The following FHIP1A variants were observed in gnomAD, a reference collection of about 807,000 sequenced individuals.
FHIP1A encodes FHF complex subunit HOOK interacting protein 1A.
In FHIP1A, 61 loss-of-function variants were observed where a neutral mutation model predicts 88.6. That is an observed-to-expected ratio of 0.69 (90% CI 0.56 to 0.85). FHIP1A has a LOEUF of 0.85. Among genes scored for constraint, FHIP1A ranks in the 40% least tolerant of loss-of-function variants. The probability of loss-of-function intolerance (pLI) is 0.00; values close to 1 mark genes in which losing one functional copy is unlikely to be tolerated. For synonymous variants in FHIP1A, 478 were observed against 496.0 expected (o/e 0.96, Z 0.48); for missense variants, 1,154 against 1,273.5 (o/e 0.91, Z 1.43).
chr4:151,656,997 C>A lies in FHIP1A; in HGVS notation c.2869+99C>A. On this transcript the variant is annotated intron_variant, in intron 13 of 13. Transcript: ENST00000435205. The surrounding 1 kb of genome is among the most constrained non-coding windows in gnomAD (Gnocchi z 4.2). ...CAGATGCTGCACTGGCTTCTGGATC[C>A]TAGAAGCATTCAGAGATATTTTCAT... is the stretch of plus-strand genomic sequence containing the variant. The A allele has an allele frequency of 8.4e-7, 1 of 1,191,134 alleles. No individual in the cohort carries two copies. The highest frequency in any genetic ancestry group is 1.2e-6 in the Non-Finnish European group (1 of 866,752). The allele number at this position is 1,191,134 out of a possible 1,614,324, so 73.8% of individuals were successfully genotyped here. A position where few individuals can be genotyped will look rare whatever the true frequency, so the allele number is the denominator to read the frequency against.
intron 3 of FHIP1A, among the ~76,000 whole-genome samples, chr4:151,549,371 T>C (rs150136581): frequency 9.7e-4 from 148 of 151,816 alleles, no homozygotes; most frequent in African/African-American, 3.2e-3. Flanking sequence ...TGGGGTTCAC[T>C]ATATTTAACA....
intron 4 of FHIP1A, among the ~76,000 whole-genome samples, chr4:151,568,190 C>G (rs963896215): frequency 6.6e-5 from 10 of 152,200 alleles, no homozygotes; most frequent in African/African-American, 2.4e-4. Context: ...ATACAAATGA[C>G]TTCAGTATTA....
At chr4:151,522,746 A>T (rs1731491760) in intron 3 of FHIP1A, among the ~76,000 whole-genome samples, 1 of 152,218 alleles carries the variant, frequency 6.6e-6, no homozygotes, top group South Asian at 2.1e-4. Context: ...GCTTGTATAA[A>T]ATCAATTTGT....
intron 10 of FHIP1A, 106 bp from the exon 11 acceptor site, chr4:151,649,353 A>G (rs2126909339): frequency 2.9e-6 from 2 of 699,518 alleles, no homozygotes; most frequent in Middle Eastern, 3.2e-4. Flanking sequence ...AATTAGACCC[A>G]AAGTAGCTGG....
chr4:151,426,342 C>A (rs536101062), intron 1 of FHIP1A, among the ~76,000 whole-genome samples: 2 of 152,058 alleles, frequency 1.3e-5, no homozygotes, highest in Non-Finnish European at 2.9e-5. Flanking sequence ...ATAAATGCAA[C>A]GCTTAATTTT....
chr4:151,543,940 T>C (rs1331186769), intron 3 of FHIP1A, among the ~76,000 whole-genome samples: 2 of 152,166 alleles, frequency 1.3e-5, no homozygotes, highest in South Asian at 2.1e-4. Flanking sequence ...AACTCTAGGG[T>C]GTTTCAAGGC....
rs1737262214 is a variant in FHIP1A, at chr4:151,656,852, C to T, written c.2823C>T (p.Leu941=). 4 of 1,551,604 alleles carry T rather than the reference C, an allele frequency of 2.6e-6. No homozygotes were observed. The South Asian group carries it at 4.8e-5, about 18-fold the overall frequency. ...GLLIQAQQYL[L]FRVDMSDMTP... is the part of the protein sequence containing the mutation. ...TCATTCAAGCTCAGCAGTACCTGCT[C>T]TTCCGTGTGGACATGTCTGATATGA... is the stretch of plus-strand genomic sequence containing the variant. Residue 941 remains leucine (L), a synonymous_variant, in exon 13 of 14, where the codon CTC becomes CTT. Coordinates refer to ENST00000435205, the MANE Select transcript of FHIP1A (RefSeq NM_001109977.3). This position sits in a 1 kb window ranked among gnomAD's most constrained non-coding sequence, Gnocchi z 4.2.
intron 1 of FHIP1A, among the ~76,000 whole-genome samples, chr4:151,413,698 G>C (rs565445568): frequency 6.6e-6 from 1 of 151,790 alleles, no homozygotes; most frequent in Admixed American, 6.6e-5. Flanking sequence ...CAAGTGATCC[G>C]CCTGCCTCAG....
chr4:151,482,889 T>C (rs1411693085), intron 3 of FHIP1A, among the ~76,000 whole-genome samples: 1 of 152,090 alleles, frequency 6.6e-6, no homozygotes, highest in African/African-American at 2.4e-5. Flanking sequence ...CTGTTTTCTC[T>C]AGTGGCAAAT....
intron 1 of FHIP1A, among the ~76,000 whole-genome samples, chr4:151,425,421 A>T (rs1018318940): frequency 6.6e-6 from 1 of 152,184 alleles, no homozygotes; most frequent in South Asian, 2.1e-4. Context: ...TAAATCATCA[A>T]CCCTAAAGTT....
chr4:151,509,753 CTA>C (rs1317533172), intron 3 of FHIP1A, among the ~76,000 whole-genome samples: 1 of 131,002 alleles, frequency 7.6e-6, no homozygotes, highest in East Asian at 2.1e-4. Context: ...AATACTGTCT[CTA>C]TGTTTGTGTG....
At chr4:151,576,526 A>G (rs1208974186) in intron 4 of FHIP1A, among the ~76,000 whole-genome samples, 1 of 152,160 alleles carries the variant, frequency 6.6e-6, no homozygotes, top group African/African-American at 2.4e-5. Flanking sequence ...CTGGTCTTGA[A>G]GTCCTAGGCT....
At chr4:151,511,952 G>A (rs1731050366) in intron 3 of FHIP1A, among the ~76,000 whole-genome samples, 1 of 152,242 alleles carries the variant, frequency 6.6e-6, no homozygotes, top group Non-Finnish European at 1.5e-5. Context: ...CCAGCACGCA[G>A]CTGGAGATCT....
chr4:151,586,069 A>G (rs1393226272), intron 5 of FHIP1A, among the ~76,000 whole-genome samples: 8 of 152,098 alleles, frequency 5.3e-5, no homozygotes, highest in Non-Finnish European at 1.0e-4. Flanking sequence ...TATACGTGGA[A>G]GTGCTTTGTA....
Position 151,650,334 on chromosome 4 carries a change from G to A in FHIP1A, c.2293G>A (p.Gly765Ser), listed in dbSNP as rs749636976. 1.0e-5 allele frequency: 16 copies of A among 1,551,698 alleles called. No homozygotes were observed. In the African/African-American group the frequency reaches 1.8e-4, roughly 17 times the overall value. The change falls in exon 11 of 14, where the codon GGC (glycine) becomes AGC (serine). Residue 765 changes from glycine to serine, a missense_variant. By Grantham distance (56) the Gly-to-Ser change is moderately conservative (BLOSUM62 0). Coordinates refer to ENST00000435205, the MANE Select transcript of FHIP1A (RefSeq NM_001109977.3). ...YDQIIKELDSGAEGLMEQNYP... is the reference protein window; with the variant it reads ...YDQIIKELDSSAEGLMEQNYP... The stretch of plus-strand genomic sequence containing the variant: ...CCAAATCATTAAAGAGCTGGATTCC[G>A]GCGCCGAGGGCTTGATGGAACAGAA...
chr4:151,550,681 C>G (rs1003661337), intron 3 of FHIP1A, among the ~76,000 whole-genome samples: 1 of 152,240 alleles, frequency 6.6e-6, no homozygotes, highest in African/African-American at 2.4e-5. Context: ...TTTTCCCTCT[C>G]TCTAAGTGTC....
chr4:151,593,547 T>C (rs924286570), intron 7 of FHIP1A, among the ~76,000 whole-genome samples: 1 of 152,220 alleles, frequency 6.6e-6, no homozygotes, highest in African/African-American at 2.4e-5. Context: ...AGTTCACTCA[T>C]AATTTGGTTC....
intron 1 of FHIP1A, among the ~76,000 whole-genome samples, chr4:151,412,552 C>CT (rs1237467870): frequency 7.3e-6 from 1 of 136,658 alleles, no homozygotes; most frequent in Non-Finnish European, 1.6e-5. Flanking sequence ...ATGGGCTTTT[C>CT]TTTTTCTTTC....
intron 8 of FHIP1A, among the ~76,000 whole-genome samples, chr4:151,635,177 T>C (rs1053999825): frequency 1.4e-4 from 22 of 151,800 alleles, no homozygotes; most frequent in Middle Eastern, 3.4e-3. Flanking sequence ...CAATGAGATA[T>C]TATCTCATAT....
Sources: allele counts gnomAD v4.1 joint callset (sites outside exome capture counted in the v4.1 genomes callset), GRCh38; gene constraint gnomAD v4.1.1; non-coding constraint Gnocchi (gnomAD v3.1); transcripts MANE v1.5; gene names NCBI Gene and HGNC (gene_info 2026-07-23, HGNC 2026-07-21).